The following GRIN2B variants were observed in gnomAD, a reference collection of about 807,000 sequenced individuals.
GRIN2B encodes glutamate ionotropic receptor NMDA type subunit 2B, also known as glutamate receptor ionotropic, NMDA 2B.
GRIN2B carries 5 observed loss-of-function variants against 114.5 expected under a neutral mutation model. The observed-to-expected ratio is 0.04, with a 90% CI of 0.02 to 0.09. GRIN2B has a LOEUF of 0.09. Among genes scored for constraint, GRIN2B ranks in the 10% least tolerant of loss-of-function variants. The probability of loss-of-function intolerance (pLI) is 1.00; values close to 1 mark genes in which losing one functional copy is unlikely to be tolerated. For synonymous variants in GRIN2B, 787 were observed against 745.1 expected (o/e 1.06, Z -0.92); for missense variants, 1,108 against 1,943.5 (o/e 0.57, Z 8.08).
rs995562097 is a variant in GRIN2B at position 13,776,929 on chromosome 12, G to C, written c.412-23014C>G. Among the ~76,000 whole-genome samples, 23 of 152,112 alleles carry C rather than the reference G, an allele frequency of 1.5e-4. 1 individual carries two copies. The highest frequency in any genetic ancestry group is 1.5e-3 in the Admixed American group (23 of 15,274). ...TACTTAGAAAAGTGTAGCTTTGGCT[G>C]TGCTGCTTGTGCTGCACAATGAGCA... On this transcript the variant is annotated intron_variant, in intron 3 of 13. Transcript: ENST00000609686.
At chr12:13,716,073 A>G (rs1950452690) in intron 4 of GRIN2B, among the ~76,000 whole-genome samples, 1 of 151,952 alleles carries the variant, frequency 6.6e-6, no homozygotes, top group African/African-American at 2.4e-5. Context: ...AAAAGCCTAC[A>G]AAGAAAGTCT....
intron 2 of GRIN2B, among the ~76,000 whole-genome samples, chr12:13,944,016 C>T (rs990167538): frequency 7.9e-5 from 12 of 152,062 alleles, no homozygotes; most frequent in African/African-American, 2.9e-4. Context: ...AGCATAAATC[C>T]CTTTATCAAT....
At chr12:13,789,046 CA>C (rs769891068) in intron 3 of GRIN2B, among the ~76,000 whole-genome samples, 174 of 151,068 alleles carry the variant, frequency 1.2e-3, no homozygotes, top group Middle Eastern at 3.4e-3. Flanking sequence ...AGCTTCTTGC[CA>C]AAGGCTTCTT....
intron 2 of GRIN2B, among the ~76,000 whole-genome samples, chr12:13,919,221 A>G (rs1866783631): frequency 1.3e-5 from 2 of 152,208 alleles, no homozygotes; most frequent in Admixed American, 1.3e-4. Context: ...TAGAGTGTGT[A>G]TGTTCAAAGT....
At chr12:13,971,515 T>C (rs981862742) in intron 2 of GRIN2B, among the ~76,000 whole-genome samples, 1 of 152,166 alleles carries the variant, frequency 6.6e-6, no homozygotes, top group Non-Finnish European at 1.5e-5. Flanking sequence ...GTGCCTTTAA[T>C]ATTCTACTTC....
At chr12:13,807,947 T>C (rs762097362) in intron 3 of GRIN2B, among the ~76,000 whole-genome samples, 3 of 152,066 alleles carry the variant, frequency 2.0e-5, no homozygotes, top group Non-Finnish European at 4.4e-5. Flanking sequence ...TCTGTTATGC[T>C]TTTAGTAATG....
intron 2 of GRIN2B, among the ~76,000 whole-genome samples, chr12:13,946,268 T>A (rs1468535645): frequency 6.6e-6 from 1 of 152,182 alleles, no homozygotes; most frequent in Non-Finnish European, 1.5e-5. Context: ...TGGCATATAA[T>A]AAATACTAAC....
chr12:13,583,634 G>T (rs2136430121), intron 10 of GRIN2B, among the ~76,000 whole-genome samples: 1 of 152,250 alleles, frequency 6.6e-6, no homozygotes, highest in Non-Finnish European at 1.5e-5. Context: ...ATTACAAAAG[G>T]ATATGGTTGG....
chr12:13,779,401 C>A (rs987952439), intron 3 of GRIN2B, among the ~76,000 whole-genome samples: 1 of 152,026 alleles, frequency 6.6e-6, no homozygotes, highest in Admixed American at 6.6e-5. Context: ...GGTATTTTGC[C>A]AAACAGCAAT....
rs547983544 is a variant in GRIN2B, at chr12:13,538,185, G to T, written c.*24598C>A. ...GACAGCCAAGGAGGCTCATCTTTCC[G>T]GAACAGTTGGCTGATGGGGACACAA... On this transcript the variant is annotated 3_prime_UTR_variant, in exon 14 of 14. Coordinates refer to ENST00000609686, the MANE Select transcript of GRIN2B (RefSeq NM_000834.5). 6.6e-6 allele frequency: 1 copy of T among 152,144 alleles called. No individual in the cohort carries two copies. Among genetic ancestry groups the T allele is most frequent in the Non-Finnish European group, 1.5e-5 (1 of 68,052 alleles). 9.4% of individuals were successfully genotyped at this position (152,144 alleles called of 1,614,324 possible).
intron 2 of GRIN2B, among the ~76,000 whole-genome samples, chr12:13,887,543 A>G (rs1238797545): frequency 1.3e-5 from 2 of 152,254 alleles, no homozygotes; most frequent in Non-Finnish European, 2.9e-5. Flanking sequence ...CATGAATGGA[A>G]GTAGAAAAAT....
At chr12:13,766,260 A>G (rs1007203123) in intron 3 of GRIN2B, among the ~76,000 whole-genome samples, 6 of 152,246 alleles carry the variant, frequency 3.9e-5, no homozygotes, top group African/African-American at 1.4e-4. Context: ...GAAATTATTG[A>G]CGATGTTCCT....
intron 13 of GRIN2B, among the ~76,000 whole-genome samples, chr12:13,565,905 A>G (rs530123263): frequency 1.3e-5 from 2 of 152,302 alleles, no homozygotes; most frequent in South Asian, 4.1e-4. Flanking sequence ...ATTAAGCTCA[A>G]GAGAAAATTC....
At chr12:13,858,049 T>G (rs1325392362) in intron 3 of GRIN2B, among the ~76,000 whole-genome samples, 1 of 152,184 alleles carries the variant, frequency 6.6e-6, no homozygotes. Flanking sequence ...GACTCATTTG[T>G]TTAAGCTACG....
At chr12:13,628,259 G>A (rs1949588274) in intron 5 of GRIN2B, among the ~76,000 whole-genome samples, 1 of 152,158 alleles carries the variant, frequency 6.6e-6, no homozygotes, top group African/African-American at 2.4e-5. Flanking sequence ...GAAAGACACT[G>A]AGTGGAAACA....
chr12:13,804,715 T>C lies in GRIN2B; in HGVS notation c.412-50800A>G, dbSNP rs1591741635. Among the ~76,000 whole-genome samples the C allele has an allele frequency of 2.0e-5, 3 of 152,302 alleles. No homozygotes were observed. The East Asian group carries it at 5.8e-4, about 29-fold the overall frequency. On this transcript the variant is annotated intron_variant, in intron 3 of 13. Transcript: ENST00000609686. ...GTTTCTCATAGAGATTTATATTATA[T>C]ACATTTGGTTATTTCTTGTCTCCTC...
chr12:13,944,210 T>G (rs1462756368), intron 2 of GRIN2B, among the ~76,000 whole-genome samples: 1 of 152,206 alleles, frequency 6.6e-6, no homozygotes, highest in Non-Finnish European at 1.5e-5. Flanking sequence ...TTCCTTCCTA[T>G]AAGTGCCTTC....
chr12:13,592,799 T>C (rs1252653651), intron 10 of GRIN2B, among the ~76,000 whole-genome samples: 1 of 152,208 alleles, frequency 6.6e-6, no homozygotes, highest in East Asian at 1.9e-4. Flanking sequence ...TCGGTCTAAG[T>C]GATGACATCT....
At chr12:13,844,365 G>C (rs1323425950) in intron 3 of GRIN2B, among the ~76,000 whole-genome samples, 2 of 151,922 alleles carry the variant, frequency 1.3e-5, no homozygotes, top group African/African-American at 4.8e-5. Context: ...TCAATGTCTA[G>C]GCCCTTAAGC....
Sources: allele counts gnomAD v4.1 joint callset (sites outside exome capture counted in the v4.1 genomes callset), GRCh38; gene constraint gnomAD v4.1.1; transcripts MANE v1.5; gene names NCBI Gene and HGNC (gene_info 2026-07-23, HGNC 2026-07-21).